FILIP1L: variants seen among roughly 807,000 people sequenced by gnomAD.
FILIP1L encodes the protein filamin A interacting protein 1 like, also known as filamin A-interacting protein 1-like.
FILIP1L carries 55 observed loss-of-function variants against 96.6 expected under a neutral mutation model. That is an observed-to-expected ratio of 0.57 (90% CI 0.46 to 0.71). The LOEUF is 0.71. Among genes scored for constraint, FILIP1L ranks in the 30% least tolerant of loss-of-function variants. FILIP1L has a pLI of 0.00. For synonymous variants in FILIP1L, 467 were observed against 473.9 expected (o/e 0.99, Z 0.19); for missense variants, 1,304 against 1,321.2 (o/e 0.99, Z 0.20).
Position 99,850,154 on chromosome 3 carries a change from T to G in FILIP1L, c.1522A>C (p.Ser508Arg), listed in dbSNP as rs377741220. The G allele has an allele frequency of 6.2e-7, 1 of 1,610,954 alleles. No homozygotes were observed. Among genetic ancestry groups the G allele is most frequent in the Non-Finnish European group, 8.5e-7 (1 of 1,179,470 alleles). The part of the protein sequence containing the change: ...VMFVDERKTM[S>R]EKLKKTEDKL... The stretch of plus-strand genomic sequence containing the variant: ...TCTTCAGTTTTCTTTAATTTTTCAC[T>G]CATTGTTTTCCGTTCATCTACAAAC... Residue 508 changes from serine (S) to arginine (R), a missense_variant, in exon 5 of 6, where the codon AGT (serine) becomes CGT (arginine). Ser to Arg is a moderately radical substitution (Grantham distance 110). Transcript: ENST00000477258.
intron 4 of FILIP1L, among the ~76,000 whole-genome samples, chr3:99,913,420 C>T (rs1706855273): frequency 1.3e-5 from 2 of 152,034 alleles, no homozygotes; most frequent in African/African-American, 4.8e-5. Flanking sequence ...CTCTCTGTTA[C>T]CAGTGATTAA....
intron 1 of FILIP1L, among the ~76,000 whole-genome samples, chr3:99,953,833 G>A (rs1014020573): frequency 2.6e-5 from 4 of 152,130 alleles, no homozygotes; most frequent in Non-Finnish European, 5.9e-5. Context: ...CTTTCATGAG[G>A]AATCCTGTCT....
At chr3:99,985,267 C>G (rs1470923142) in intron 1 of FILIP1L, among the ~76,000 whole-genome samples, 1 of 152,128 alleles carries the variant, frequency 6.6e-6, no homozygotes, top group African/African-American at 2.4e-5. Context: ...CATGGTGGCT[C>G]ACGCCTGTAA....
rs1419165386 is a variant in FILIP1L at position 100,110,835 on chromosome 3, G to C, written c.-11+3218C>G. Among the ~76,000 whole-genome samples, 12 of 152,178 alleles carry C rather than the reference G, an allele frequency of 7.9e-5. No individual in the cohort carries two copies. The East Asian group carries it at 2.3e-3, about 29-fold the overall frequency. ...ATGCTTGCACCAGAAGCAGGATCTG[G>C]ACTGGGTAGAAAATTGTCTGATCTG... On this transcript the variant is annotated intron_variant, in intron 1 of 5. Coordinates refer to ENST00000477258, the MANE Select transcript of FILIP1L (RefSeq NM_001387850.1).
intron 1 of FILIP1L, among the ~76,000 whole-genome samples, chr3:99,950,404 G>T (rs1257669269): frequency 6.6e-6 from 1 of 152,138 alleles, no homozygotes; most frequent in East Asian, 1.9e-4. Context: ...ACTTAGAAAA[G>T]TTAAGTAAGT....
At chr3:99,925,827 T>C in intron 3 of FILIP1L, 1 of 985,138 alleles carries the variant, frequency 1.0e-6, no homozygotes, top group Non-Finnish European at 1.2e-6. Flanking sequence ...AGCATCACAG[T>C]CAGATGGAGT....
At chr3:100,007,610 GGC>G (rs1283287814) in intron 1 of FILIP1L, among the ~76,000 whole-genome samples, 2 of 152,100 alleles carry the variant, frequency 1.3e-5, no homozygotes, top group Middle Eastern at 6.3e-3. Context: ...GCCCAGAATT[GGC>G]CCAGAAAGTG....
At chr3:99,992,516 GTT>G (rs1241546732) in intron 1 of FILIP1L, among the ~76,000 whole-genome samples, 6 of 151,708 alleles carry the variant, frequency 4.0e-5, no homozygotes, top group African/African-American at 7.3e-5. Flanking sequence ...GGGTTATTTG[GTT>G]TTTTTCTTGT....
intron 4 of FILIP1L, among the ~76,000 whole-genome samples, chr3:99,859,264 T>G (rs1233960789): frequency 6.6e-6 from 1 of 152,230 alleles, no homozygotes; most frequent in African/African-American, 2.4e-5. Context: ...GTACTTGCTA[T>G]TTGTCAGTTC....
intron 1 of FILIP1L, among the ~76,000 whole-genome samples, chr3:99,958,397 G>C (rs1209258540): frequency 2.6e-5 from 4 of 152,040 alleles, no homozygotes; most frequent in Non-Finnish European, 5.9e-5. Context: ...TGCCAGCCAT[G>C]AAAAAGCTGC....
At chr3:99,835,099 G>T (rs1942842761) in intron 5 of FILIP1L, among the ~76,000 whole-genome samples, 1 of 152,008 alleles carries the variant, frequency 6.6e-6, no homozygotes, top group Non-Finnish European at 1.5e-5. Flanking sequence ...TACCTTTCTT[G>T]TTTTCCTGCT....
At chr3:100,090,022 C>T (rs1170478935) in intron 1 of FILIP1L, among the ~76,000 whole-genome samples, 1 of 152,236 alleles carries the variant, frequency 6.6e-6, no homozygotes, top group Non-Finnish European at 1.5e-5. Context: ...GCTAGCTTTT[C>T]TCCTGATAGG....
chr3:100,009,774 A>G (rs1710091352), intron 1 of FILIP1L, among the ~76,000 whole-genome samples: 1 of 152,246 alleles, frequency 6.6e-6, no homozygotes, highest in South Asian at 2.1e-4. Flanking sequence ...TCTCTCTCTT[A>G]GTAACCAGAG....
chr3:99,840,879 T>C (rs758084952), intron 5 of FILIP1L, among the ~76,000 whole-genome samples: 2 of 152,228 alleles, frequency 1.3e-5, no homozygotes, highest in African/African-American at 2.4e-5. Flanking sequence ...ATCTTTTCAC[T>C]TAACTGAGGC....
chr3:100,069,229 A>G lies in FILIP1L; in HGVS notation c.-11+44824T>C, dbSNP rs144997904. Among the ~76,000 whole-genome samples, 549 of 152,284 alleles carry G rather than the reference A, an allele frequency of 3.6e-3. 2 individuals are homozygous for G. Among genetic ancestry groups the G allele is most frequent in the African/African-American group, 0.013 (522 of 41,566 alleles). ...TAAAAAGGTGCAATTCTATTTCTGC[A>G]CATGGATGTTAGTTGCATTCTTTCT... On this transcript the variant is annotated intron_variant, in intron 1 of 5. Transcript: ENST00000477258.
chr3:100,107,312 C>T (rs1480237124), intron 1 of FILIP1L, among the ~76,000 whole-genome samples: 4 of 152,104 alleles, frequency 2.6e-5, no homozygotes, highest in Non-Finnish European at 5.9e-5. Flanking sequence ...TTTTATGATG[C>T]CATCTGGGAA....
At chr3:99,950,105 T>G (rs898608993) in intron 1 of FILIP1L, among the ~76,000 whole-genome samples, 3 of 152,182 alleles carry the variant, frequency 2.0e-5, no homozygotes, top group African/African-American at 7.2e-5. Flanking sequence ...AACCATTAGG[T>G]TAGAGAACAA....
In FILIP1L at chr3:100,055,097, A is replaced by T. The variant is rs1310487507; in HGVS notation, c.-11+58956T>A. ...TCTTTCTGGAAGTCTCCTGCCTCAG[A>T]CTCTTACCAAAGTCCTCGTGGTCTG... On this transcript the variant is annotated intron_variant, in intron 1 of 5. Transcript: ENST00000477258. 2.6e-5 allele frequency among the ~76,000 whole-genome samples: 4 copies of T among 151,792 alleles called. No homozygotes were observed. The East Asian group carries it at 7.7e-4, about 29-fold the overall frequency.
intron 5 of FILIP1L, among the ~76,000 whole-genome samples, chr3:99,841,155 G>A (rs1943112732): frequency 1.3e-5 from 2 of 152,218 alleles, no homozygotes; most frequent in African/African-American, 2.4e-5. Context: ...CTAAGACACT[G>A]CGCATGTCAC....
Sources: gnomAD v4.1 joint callset for allele counts (sites outside exome capture counted in the v4.1 genomes callset) on GRCh38, gnomAD v4.1.1 for gene constraint, MANE v1.5 for transcripts, NCBI Gene and HGNC (gene_info 2026-07-23, HGNC 2026-07-21) for gene names.